Variants in ADGRV1 observed in about 807,000 individuals in gnomAD.
ADGRV1 encodes the protein G-protein coupled receptor 98.
ADGRV1 carries 359 observed loss-of-function variants against 596.2 expected under a neutral mutation model. The ratio of observed to expected loss-of-function variants is 0.60; its 90% CI spans 0.55 to 0.66. The LOEUF is 0.66. ADGRV1 is among the 30% of genes least tolerant of loss of function. ADGRV1 has a pLI of 0.00. For missense variants in ADGRV1, 7,274 were observed against 7,575.6 expected, an observed-to-expected ratio of 0.96 and a Z score of 1.48; for synonymous variants, 2,681 against 2,679.2, an observed-to-expected ratio of 1.00 and a Z score of -0.02.
intron 83 of ADGRV1, among the ~76,000 whole-genome samples, chr5:90,888,824 A>C (rs1770536964): frequency 6.6e-6 from 1 of 152,056 alleles, no homozygotes; most frequent in Non-Finnish European, 1.5e-5. Context: ...TCATTACCTT[A>C]TCTGACACTC....
At chr5:90,626,446 A>G (rs914003389) in intron 6 of ADGRV1, 2 of 152,206 alleles carry the variant, frequency 1.3e-5, no homozygotes, top group Admixed American at 6.5e-5. Flanking sequence ...TTTAAGATAA[A>G]TAGCTTTGCT....
At chr5:91,060,206 G>GCAGGGGCAT (rs1787279351) in intron 85 of ADGRV1, among the ~76,000 whole-genome samples, 3 of 151,848 alleles carry the variant, frequency 2.0e-5, no homozygotes, top group Admixed American at 2.0e-4. Context: ...GGGCGGGGCA[G>GCAGGGGCAT]CAGTTTTGGT....
Position 90,643,961 on chromosome 5 carries a change from C to G in ADGRV1, c.2712C>G (p.Ser904Arg). Residue 904 changes from serine (S) to arginine (R), a missense_variant, in exon 14 of 90, where the codon AGC becomes AGG. This residue lies in a region of ADGRV1 where 1,715 missense variants were observed against 1,708.8 expected (regional missense o/e 1.00). Transcript: ENST00000405460. Reference sequence around the variant, plus strand: ...GTCTAATTGTGATGATAAATGAAAGCAAAGGAGATGCTATCTATAGTGGTA... The same window carrying G: ...GTCTAATTGTGATGATAAATGAAAGGAAAGGAGATGCTATCTATAGTGGTA... ...SDGLIVMINE[S>R]KGDAIYSAVY... The G allele has an allele frequency of 6.2e-7, 1 of 1,605,704 alleles. No homozygotes were observed.
intron 20 of ADGRV1, chr5:90,654,329 A>T (rs1769087192): frequency 4.1e-6 from 1 of 246,144 alleles, no homozygotes; most frequent in Admixed American, 5.1e-5. Context: ...TAGAAATGTG[A>T]AACAGCGTGT....
chr5:91,154,078 A>G (rs139278392), intron 89 of ADGRV1, among the ~76,000 whole-genome samples: 21 of 152,370 alleles, frequency 1.4e-4, no homozygotes, highest in African/African-American at 4.1e-4. Flanking sequence ...CATTCATAAT[A>G]TAAACATAGT....
At chr5:90,986,806 C>T (rs1780535544) in intron 85 of ADGRV1, among the ~76,000 whole-genome samples, 1 of 151,996 alleles carries the variant, frequency 6.6e-6, no homozygotes, top group Non-Finnish European at 1.5e-5. Context: ...CGTGGACTGC[C>T]AGGATTAATT....
At chr5:91,146,677 C>A (rs34475521) in intron 87 of ADGRV1, among the ~76,000 whole-genome samples, 364 of 152,184 alleles carry the variant, frequency 2.4e-3, no homozygotes, top group Middle Eastern at 6.8e-3. Context: ...ACTATTAGTA[C>A]CCCAGTTTCA....
At chr5:91,032,825 C>A (rs566207455) in intron 85 of ADGRV1, among the ~76,000 whole-genome samples, 113 of 152,146 alleles carry the variant, frequency 7.4e-4, no homozygotes, top group African/African-American at 2.5e-3. Context: ...ATTTTTTGAG[C>A]CTTTTTAAAT....
At chr5:90,854,241 T>C (rs920893558) in intron 81 of ADGRV1, 40 bp downstream of exon 81, 70 of 1,474,294 alleles carry the variant, frequency 4.7e-5, no homozygotes, top group Non-Finnish European at 6.0e-5. Flanking sequence ...ATTTGGTCCT[T>C]CCCCATTTCG....
At chr5:90,590,163 A>G (rs1759291718) in intron 1 of ADGRV1, among the ~76,000 whole-genome samples, 1 of 152,240 alleles carries the variant, frequency 6.6e-6, no homozygotes, top group South Asian at 2.1e-4. Flanking sequence ...CAGCAGGATC[A>G]GAAACAGAGA....
intron 1 of ADGRV1, among the ~76,000 whole-genome samples, chr5:90,573,123 GT>G (rs1756764541): frequency 7.0e-6 from 1 of 143,470 alleles, no homozygotes; most frequent in South Asian, 2.2e-4. Context: ...TTCCAATTCA[GT>G]TTTTCCCTTC....
At chr5:90,903,881 C>A (rs1772075054) in intron 83 of ADGRV1, among the ~76,000 whole-genome samples, 1 of 151,732 alleles carries the variant, frequency 6.6e-6, no homozygotes. Context: ...TTTTTTTGTA[C>A]CCATTAACCA....
At chr5:90,893,265 A>G (rs1770996433) in intron 83 of ADGRV1, among the ~76,000 whole-genome samples, 1 of 152,142 alleles carries the variant, frequency 6.6e-6, no homozygotes, top group Admixed American at 6.6e-5. Flanking sequence ...GCTTTTTATA[A>G]GACTGTTAAT....
chr5:90,866,831 A>G (rs1326830368), intron 83 of ADGRV1, among the ~76,000 whole-genome samples: 1 of 152,164 alleles, frequency 6.6e-6, no homozygotes. Context: ...ATTATGTCAT[A>G]GAAGCTTTGA....
At chr5:90,871,788 A>G (rs1206744012) in intron 83 of ADGRV1, among the ~76,000 whole-genome samples, 3 of 152,358 alleles carry the variant, frequency 2.0e-5, no homozygotes, top group East Asian at 1.9e-4. Flanking sequence ...TGTAACAGAT[A>G]TGGAGCGTAG....
chr5:90,900,305 T>C (rs1771720949), intron 83 of ADGRV1, among the ~76,000 whole-genome samples: 1 of 151,926 alleles, frequency 6.6e-6, no homozygotes, highest in Non-Finnish European at 1.5e-5. Context: ...ATGCCCAAAC[T>C]TCTGCTTATA....
chr5:90,963,754 G>C (rs774228835), intron 83 of ADGRV1, among the ~76,000 whole-genome samples: 11 of 151,176 alleles, frequency 7.3e-5, no homozygotes, highest in Non-Finnish European at 1.3e-4. Context: ...CTCGTTCACT[G>C]TCTGTAGCTT....
chr5:90,814,640 CAT>C (rs1355382782), intron 74 of ADGRV1, among the ~76,000 whole-genome samples: 1 of 152,076 alleles, frequency 6.6e-6, no homozygotes, highest in Non-Finnish European at 1.5e-5. Flanking sequence ...CTCCTGCCAC[CAT>C]ATATGACGTG....
intron 75 of ADGRV1, among the ~76,000 whole-genome samples, chr5:90,817,088 A>G (rs944249391): frequency 6.6e-6 from 1 of 152,140 alleles, no homozygotes; most frequent in Non-Finnish European, 1.5e-5. Flanking sequence ...TTCCTGACTT[A>G]TTAATGATTG....
Sources: allele counts gnomAD v4.1 joint callset (sites outside exome capture counted in the v4.1 genomes callset), GRCh38; gene constraint gnomAD v4.1.1; regional missense constraint gnomAD v4.1.1; transcripts MANE v1.5; gene names NCBI Gene and HGNC (gene_info 2026-07-23, HGNC 2026-07-21).